ARFGEF3: variants seen among roughly 807,000 people sequenced by gnomAD.
ARFGEF3 encodes the protein ARFGEF family member 3.
A neutral mutation model predicts 221.7 loss-of-function variants in ARFGEF3; 96 were observed. The ratio of observed to expected loss-of-function variants is 0.43; its 90% confidence interval spans 0.37 to 0.51. The LOEUF (loss-of-function observed/expected upper bound fraction) is 0.51. Ranked by LOEUF, ARFGEF3 falls within the 20% of genes least tolerant of loss-of-function variation. The pLI is 0.00. For missense variants in ARFGEF3, 2,410 were observed against 2,789.9 expected, an observed-to-expected ratio of 0.86 and a Z score of 3.07; for synonymous variants, 1,145 against 1,126.8, an observed-to-expected ratio of 1.02 and a Z score of -0.32.
At chr6:138,223,764 C>T (rs1778027142) in intron 4 of ARFGEF3, among the ~76,000 whole-genome samples, 1 of 152,016 alleles carries the variant, frequency 6.6e-6, no homozygotes, top group Non-Finnish European at 1.5e-5. Flanking sequence ...TTTAGAGTTC[C>T]ATGAAAGGAT....
chr6:138,303,222 C>T (rs1281456391), intron 22 of ARFGEF3, among the ~76,000 whole-genome samples: 1 of 151,684 alleles, frequency 6.6e-6, no homozygotes, highest in Admixed American at 6.6e-5. Context: ...CCTAGGGCAG[C>T]AACCAAGAGA....
At chr6:138,326,280 A>G (rs866384472) in intron 31 of ARFGEF3, among the ~76,000 whole-genome samples, 1 of 151,250 alleles carries the variant, frequency 6.6e-6, no homozygotes, top group African/African-American at 2.4e-5. Flanking sequence ...GAAAGAAAAT[A>G]TTTTTAAAGT....
chr6:138,321,011 G>T, intron 28 of ARFGEF3, 100 bp from the exon 29 acceptor site: 1 of 680,402 alleles, frequency 1.5e-6, no homozygotes, highest in East Asian at 3.1e-5. Flanking sequence ...CCAGATATTT[G>T]CTTATCATTC....
chr6:138,306,363 A>T (rs1056632713), intron 22 of ARFGEF3, among the ~76,000 whole-genome samples: 2 of 152,204 alleles, frequency 1.3e-5, no homozygotes, highest in Non-Finnish European at 2.9e-5. Flanking sequence ...GAAAGACTCA[A>T]TATTTTTAAA....
At chr6:138,252,382 A>G (rs1778597800) in intron 8 of ARFGEF3, among the ~76,000 whole-genome samples, 2 of 152,318 alleles carry the variant, frequency 1.3e-5, no homozygotes, top group South Asian at 4.1e-4. Context: ...CATAATATCA[A>G]TGTCAGTGTA....
intron 5 of ARFGEF3, among the ~76,000 whole-genome samples, chr6:138,232,380 C>T (rs1410039783): frequency 6.6e-6 from 1 of 152,178 alleles, no homozygotes; most frequent in Non-Finnish European, 1.5e-5. Context: ...TGGTGCATGC[C>T]TGTAATCCCA....
chr6:138,333,302 T>C lies in ARFGEF3; in HGVS notation c.5124-668T>C, dbSNP rs200842998. ...GGTCATAATAGGAAAACCCAAAATA[T>C]ATTCTGTGTCCCCAAGGGCAAAAAG... On this transcript the variant is annotated intron_variant, in intron 32 of 33. Transcript: ENST00000251691. Among the ~76,000 whole-genome samples, 8 of 152,156 alleles carry C rather than the reference T, an allele frequency of 5.3e-5. No homozygotes were observed. The East Asian group carries it at 1.5e-3, about 29-fold the overall frequency.
At position 138,253,962 on chromosome 6, in the gene ARFGEF3, A is replaced by G; in HGVS notation, c.748A>G (p.Arg250Gly). ...SSSSSSMHLH[R>G]RFTDLIWKNL... ...CTCCTCCTCCTCCATGCACCTGCAC[A>G]GGCGCTTCACGGACCTGATCTGGTG... Residue 250 changes from arginine to glycine, a missense_variant, in exon 9 of 34, where the codon AGG becomes GGG. Arg to Gly is a moderately radical substitution (Grantham distance 125). This residue lies in a region of ARFGEF3 where 570 missense variants were observed against 586.9 expected (regional missense o/e 0.97). Transcript: ENST00000251691. The G allele has an allele frequency of 1.9e-6, 3 of 1,593,346 alleles. No homozygotes were observed. Among genetic ancestry groups the G allele is most frequent in the Non-Finnish European group, 2.6e-6 (3 of 1,170,608 alleles).
chr6:138,252,173 C>A (rs1330231281), intron 8 of ARFGEF3, among the ~76,000 whole-genome samples: 1 of 152,182 alleles, frequency 6.6e-6, no homozygotes, highest in African/African-American at 2.4e-5. Flanking sequence ...TTCCCTTCTA[C>A]AGAATAATAA....
chr6:138,174,080 G>A (rs1776891703), intron 2 of ARFGEF3, among the ~76,000 whole-genome samples: 1 of 152,098 alleles, frequency 6.6e-6, no homozygotes, highest in African/African-American at 2.4e-5. Context: ...AAACAATTTG[G>A]AAGGAAGAGA....
rs756446193 is a variant in ARFGEF3 at position 138,286,886 on chromosome 6, C to T, written c.2755C>T (p.Arg919Trp). Residue 919 changes from arginine (R) to tryptophan (W), a missense_variant, in exon 16 of 34, where the codon CGG becomes TGG. Arg to Trp is a moderately radical substitution (Grantham distance 101, BLOSUM62 -3). Around this residue, in one of 5 missense-constraint regions of ARFGEF3, gnomAD observed 594 missense variants for 734.3 expected, o/e 0.81. Coordinates refer to ENST00000251691, the MANE Select transcript of ARFGEF3 (RefSeq NM_020340.5). ...DAICMSLDGL[R>W]KAARLSCALG... ...CATCTGCATGAGCCTCGACGGGCTG[C>T]GGAAAGCCGCACGGCTGAGCTGCGC... The T allele has an allele frequency of 2.2e-5, 35 of 1,613,198 alleles. No individual in the cohort carries two copies. The highest frequency in any genetic ancestry group is 4.4e-5 in the South Asian group (4 of 91,052).
At chr6:138,299,227 GA>G (rs1215625008) in intron 22 of ARFGEF3, among the ~76,000 whole-genome samples, 2 of 92,846 alleles carry the variant, frequency 2.2e-5, no homozygotes, top group African/African-American at 7.4e-5. Context: ...AAAAAAAACA[GA>G]AAAGTTAAGC....
At chr6:138,276,108 G>C (rs542514244) in intron 12 of ARFGEF3, among the ~76,000 whole-genome samples, 1 of 129,966 alleles carries the variant, frequency 7.7e-6, no homozygotes, top group South Asian at 2.7e-4. Context: ...GGAGTGGCTC[G>C]GTGTGTTTTG....
At chr6:138,241,044 C>T (rs779365609) in intron 6 of ARFGEF3, among the ~76,000 whole-genome samples, 9 of 152,204 alleles carry the variant, frequency 5.9e-5, no homozygotes, top group African/African-American at 1.2e-4. Flanking sequence ...GAATGAGATG[C>T]TGCTACTAGC....
intron 2 of ARFGEF3, among the ~76,000 whole-genome samples, chr6:138,196,365 A>G (rs1004674011): frequency 6.6e-6 from 1 of 152,272 alleles, no homozygotes; most frequent in Non-Finnish European, 1.5e-5. Context: ...TATTGCTCCC[A>G]GGCAACCTGT....
chr6:138,240,653 T>C (rs1778376924), intron 6 of ARFGEF3, among the ~76,000 whole-genome samples: 1 of 152,132 alleles, frequency 6.6e-6, no homozygotes. Flanking sequence ...AAAATTGGTG[T>C]TTCCTGTTAT....
intron 14 of ARFGEF3, among the ~76,000 whole-genome samples, chr6:138,282,606 A>G (rs1779216443): frequency 6.6e-6 from 1 of 152,222 alleles, no homozygotes; most frequent in South Asian, 2.1e-4. Flanking sequence ...CAGAGTCCTC[A>G]TCATTGATTG....
intron 26 of ARFGEF3, among the ~76,000 whole-genome samples, chr6:138,315,346 T>C (rs968996358): frequency 1.3e-5 from 2 of 152,236 alleles, no homozygotes; most frequent in Non-Finnish European, 1.5e-5. Flanking sequence ...TCACACCTTC[T>C]GTCTTCTGTC....
intron 4 of ARFGEF3, chr6:138,217,086 A>T (rs1777880261): frequency 6.6e-6 from 1 of 152,234 alleles, no homozygotes; most frequent in African/African-American, 2.4e-5. Context: ...AAGCCTGGAG[A>T]TGTGATTTTC....
Sources: gnomAD v4.1 joint callset for allele counts (sites outside exome capture counted in the v4.1 genomes callset) on GRCh38, gnomAD v4.1.1 for gene constraint, gnomAD v4.1.1 regional missense constraint, MANE v1.5 for transcripts, NCBI Gene and HGNC (gene_info 2026-07-23, HGNC 2026-07-21) for gene names.